Variants in FOXP1 observed in about 807,000 individuals in gnomAD.
FOXP1 encodes the protein forkhead box P1.
In FOXP1, 15 loss-of-function variants were observed where a neutral mutation model predicts 98.2. The ratio of observed to expected loss-of-function variants is 0.15; its 90% confidence interval spans 0.10 to 0.24. The LOEUF (loss-of-function observed/expected upper bound fraction) is 0.24, where lower values mean the gene tolerates loss of function less well. FOXP1 is among the 10% of genes least tolerant of loss of function. The pLI is 1.00. For missense variants in FOXP1, 633 were observed against 848.5 expected, an observed-to-expected ratio of 0.75 and a Z score of 3.15; for synonymous variants, 371 against 314.5, an observed-to-expected ratio of 1.18 and a Z score of -1.90.
chr3:71,293,479 TA>T (rs10642015), intron 5 of FOXP1, among the ~76,000 whole-genome samples: 384 of 142,750 alleles, frequency 2.7e-3, no homozygotes, highest in Middle Eastern at 7.3e-3. Context: ...CCCCATTTCT[TA>T]AAAAAAAAAA....
At chr3:71,546,683 G>A (rs2045388942) in intron 2 of FOXP1, among the ~76,000 whole-genome samples, 1 of 151,586 alleles carries the variant, frequency 6.6e-6, no homozygotes, top group East Asian at 2.0e-4. Context: ...AAGCCTTGCT[G>A]AATGGCACTA....
chr3:70,959,458 AAG>A, intron 20 of FOXP1, 67 bp from the exon 21 acceptor site: 2 of 1,592,740 alleles, frequency 1.3e-6, no homozygotes, highest in Non-Finnish European at 1.7e-6. Flanking sequence ...GTGCACTGAA[AAG>A]TTTGGGGCAA....
chr3:71,293,357 T>C (rs922040243), intron 5 of FOXP1, among the ~76,000 whole-genome samples: 6 of 152,206 alleles, frequency 3.9e-5, no homozygotes, highest in African/African-American at 1.4e-4. Context: ...GTCCAAGCTA[T>C]TCAGGAGGCT....
intron 3 of FOXP1, among the ~76,000 whole-genome samples, chr3:71,471,797 G>T (rs1045350562): frequency 1.3e-5 from 2 of 152,056 alleles, no homozygotes; most frequent in Admixed American, 1.3e-4. Flanking sequence ...GGAATACAGC[G>T]GCAGCTTTAC....
intron 6 of FOXP1, among the ~76,000 whole-genome samples, chr3:71,195,999 T>C (rs2063277045): frequency 6.6e-6 from 1 of 152,232 alleles, no homozygotes; most frequent in African/African-American, 2.4e-5. Flanking sequence ...AAAAGCCTTA[T>C]CATATACTTA....
intron 7 of FOXP1, among the ~76,000 whole-genome samples, chr3:71,069,162 A>G (rs963839471): frequency 1.4e-4 from 21 of 152,224 alleles, no homozygotes; most frequent in African/African-American, 4.3e-4. Flanking sequence ...TCACTGTTCC[A>G]TAGGAGTTTA....
intron 12 of FOXP1, among the ~76,000 whole-genome samples, chr3:71,013,926 C>T (rs566838398): frequency 1.2e-4 from 18 of 152,236 alleles, no homozygotes; most frequent in Admixed American, 1.1e-3. Flanking sequence ...ATAAATGGTG[C>T]TGGGAAAACT....
intron 2 of FOXP1, among the ~76,000 whole-genome samples, chr3:71,542,718 G>T (rs2044965933): frequency 6.6e-6 from 1 of 152,196 alleles, no homozygotes; most frequent in African/African-American, 2.4e-5. Context: ...CGCAGGCTGG[G>T]CCAAAGGAAC....
chr3:70,982,427 A>G lies in FOXP1; in HGVS notation c.1147-4398T>C, dbSNP rs769783845. ...TCCTGATGGAAAGCCTATTTTTCTT[A>G]TTGTGTTCCTTTTCTATTTAAAAGA... On this transcript the variant is annotated intron_variant, in intron 14 of 20. Coordinates refer to ENST00000649528, the MANE Select transcript of FOXP1 (RefSeq NM_001349338.3). 7.9e-5 allele frequency among the ~76,000 whole-genome samples: 12 copies of G among 152,070 alleles called. No individual in the cohort carries two copies. In the East Asian group the frequency reaches 1.7e-3, roughly 22 times the overall value.
intron 2 of FOXP1, among the ~76,000 whole-genome samples, chr3:71,502,965 C>T (rs1459652794): frequency 2.4e-5 from 3 of 122,500 alleles, no homozygotes; most frequent in Non-Finnish European, 5.1e-5. Context: ...ATGATTTTTG[C>T]CTGCTTTACA....
At chr3:71,040,319 G>A (rs1011448854) in intron 11 of FOXP1, 1 of 152,058 alleles carries the variant, frequency 6.6e-6, no homozygotes, top group Non-Finnish European at 1.5e-5. Flanking sequence ...ACACAATACA[G>A]AATTTGCTTT....
intron 4 of FOXP1, among the ~76,000 whole-genome samples, chr3:71,339,686 C>A (rs2076900870): frequency 6.6e-6 from 1 of 152,132 alleles, no homozygotes; most frequent in Non-Finnish European, 1.5e-5. Flanking sequence ...ATTTGTGAAC[C>A]AGGAATGCTG....
intron 5 of FOXP1, among the ~76,000 whole-genome samples, chr3:71,201,916 G>C (rs2063702746): frequency 6.6e-6 from 1 of 152,100 alleles, no homozygotes; most frequent in South Asian, 2.1e-4. Context: ...CTAAGAATGA[G>C]GCATAAATAT....
chr3:71,325,640 C>G (rs2075645194), intron 4 of FOXP1, among the ~76,000 whole-genome samples: 2 of 136,776 alleles, frequency 1.5e-5, no homozygotes, highest in South Asian at 5.1e-4. Context: ...AAAGAAATCT[C>G]CTACAAATGT....
chr3:71,108,104 C>A (rs1048824414), intron 7 of FOXP1, among the ~76,000 whole-genome samples: 9 of 152,190 alleles, frequency 5.9e-5, no homozygotes, highest in African/African-American at 1.9e-4. Flanking sequence ...GGTTCAAATT[C>A]TTTATAGAGG....
intron 2 of FOXP1, among the ~76,000 whole-genome samples, chr3:71,556,341 G>T (rs868427902): frequency 2.0e-5 from 3 of 152,030 alleles, no homozygotes; most frequent in Non-Finnish European, 4.4e-5. Flanking sequence ...ACTTTGGGAG[G>T]CCGACGTGAG....
chr3:71,376,272 A>C (rs1342663386), intron 3 of FOXP1, among the ~76,000 whole-genome samples: 16 of 152,120 alleles, frequency 1.1e-4, no homozygotes, highest in Non-Finnish European at 1.0e-4. Flanking sequence ...AGAAGCAGCT[A>C]CATGATGTGG....
intron 18 of FOXP1, chr3:70,971,195 A>G (rs1186045054): frequency 6.8e-6 from 2 of 295,210 alleles, no homozygotes. Flanking sequence ...GCACGAGCAG[A>G]GAGAATCTTG....
chr3:71,244,978 A>G (rs2106956494), intron 5 of FOXP1: 1 of 152,258 alleles, frequency 6.6e-6, no homozygotes, highest in South Asian at 2.1e-4. Flanking sequence ...AAAAGGAAAA[A>G]AGAAAAAAAG....
Sources: gnomAD v4.1 joint callset for allele counts (sites outside exome capture counted in the v4.1 genomes callset) on GRCh38, gnomAD v4.1.1 for gene constraint, MANE v1.5 for transcripts, NCBI Gene and HGNC (gene_info 2026-07-23, HGNC 2026-07-21) for gene names.